AKT2: variants seen among roughly 807,000 people sequenced by gnomAD.
AKT2 encodes the protein RAC-beta serine/threonine-protein kinase.
AKT2 carries 16 observed loss-of-function variants against 58.6 expected under a neutral mutation model. That is an observed-to-expected ratio of 0.27 (90% CI 0.18 to 0.41). The LOEUF is 0.41. AKT2 is among the 10% of genes least tolerant of loss of function. The probability of loss-of-function intolerance (pLI) is 1.00; values close to 1 mark genes in which losing one functional copy is unlikely to be tolerated. For missense variants in AKT2, 438 were observed against 661.0 expected, an observed-to-expected ratio of 0.66 and a Z score of 3.70; for synonymous variants, 253 against 254.0, an observed-to-expected ratio of 1.00 and a Z score of 0.04.
At chr19:40,252,012 GT>G (rs529427366) in intron 4 of AKT2, among the ~76,000 whole-genome samples, 13 of 152,342 alleles carry the variant, frequency 8.5e-5, no homozygotes, top group African/African-American at 3.1e-4. Flanking sequence ...CTGCAGTGAA[GT>G]GGGGGACAGG....
Position 40,238,795 on chromosome 19 carries a change from G to T in AKT2, c.708+110C>A. On this transcript the variant is annotated intron_variant, in intron 8 of 13. Transcript: ENST00000392038. This position sits in a 1 kb window ranked among gnomAD's most constrained non-coding sequence, Gnocchi z 5.1. ...GCCTCAAGGGAGAGGGGCACTAGAT[G>T]ACACTGAAATTTCCCTCCACCCTTC... The T allele has an allele frequency of 1.7e-6, 2 of 1,184,268 alleles. No homozygotes were observed. Among genetic ancestry groups the T allele is most frequent in the South Asian group, 1.2e-5 (1 of 82,050 alleles). The allele number at this position is 1,184,268 out of a possible 1,614,324, so 73.4% of individuals were successfully genotyped here.
chr19:40,246,882 T>C (rs979885523), intron 4 of AKT2, among the ~76,000 whole-genome samples: 3 of 152,178 alleles, frequency 2.0e-5, no homozygotes, highest in African/African-American at 2.4e-5. Context: ...CACCAGGGCC[T>C]GGGCCTGGGG....
chr19:40,269,457 C>T (rs1976570997), intron 1 of AKT2: 1 of 152,152 alleles, frequency 6.6e-6, no homozygotes, highest in South Asian at 2.1e-4. Flanking sequence ...CTGACAAGGC[C>T]AACTGCTGGC....
intron 1 of AKT2, chr19:40,270,501 A>G (rs8111561): frequency 0.98 from 149,448 of 152,412 alleles, 73,281 homozygotes; most frequent in East Asian, 1. Context: ...CACTGACCTG[A>G]TTTTGATGCC....
chr19:40,246,395 A>G (rs1228134546), intron 4 of AKT2, among the ~76,000 whole-genome samples: 6 of 152,166 alleles, frequency 3.9e-5, no homozygotes, highest in Non-Finnish European at 8.8e-5. Context: ...AAGTGCTGGG[A>G]TTACAGGTGT....
chr19:40,235,262 CCTT>C lies in AKT2; in HGVS notation c.1261_1263del (p.Lys421del). 6.2e-7 allele frequency: 1 copy of C among 1,614,036 alleles called. No individual in the cohort carries two copies. The highest frequency in any genetic ancestry group is 8.5e-7 in the Non-Finnish European group (1 of 1,180,004). On this transcript the variant is annotated inframe_deletion and splice_region_variant, in exon 12 of 14. Coordinates refer to ENST00000392038, the MANE Select transcript of AKT2 (RefSeq NM_001626.6). The surrounding 1 kb of genome is among the most constrained non-coding windows in gnomAD (Gnocchi z 6.3). ...CTGCTGGGGCAAGCAGTGGGGCTCA[CCTT>C]CTTCTGGACCACGTCCTGCCAGTTG...
chr19:40,253,514 C>T (rs1368433347), intron 4 of AKT2, among the ~76,000 whole-genome samples: 1 of 152,194 alleles, frequency 6.6e-6, no homozygotes, highest in African/African-American at 2.4e-5. Context: ...GGGTCAAACT[C>T]ATCCACAGAG....
At chr19:40,271,458 A>G (rs1208790790) in intron 1 of AKT2, among the ~76,000 whole-genome samples, 1 of 151,164 alleles carries the variant, frequency 6.6e-6, no homozygotes, top group Non-Finnish European at 1.5e-5. Context: ...AAAAAACCCA[A>G]AGACAACAGG....
At chr19:40,272,508 T>C (rs2077233589) in intron 1 of AKT2, among the ~76,000 whole-genome samples, 1 of 152,186 alleles carries the variant, frequency 6.6e-6, no homozygotes, top group South Asian at 2.1e-4. Flanking sequence ...CACGACAGAA[T>C]GCAGGCGGGA....
intron 1 of AKT2, chr19:40,270,425 C>A (rs1397159311): frequency 6.6e-6 from 1 of 152,250 alleles, no homozygotes; most frequent in African/African-American, 2.4e-5. Flanking sequence ...GTGCCCAGAA[C>A]AGGCTCAAAA....
chr19:40,257,717 A>G (rs373481184), intron 2 of AKT2, among the ~76,000 whole-genome samples: 31 of 152,306 alleles, frequency 2.0e-4, no homozygotes, highest in South Asian at 8.3e-4. Context: ...AGCATTATTC[A>G]TAACAGCCAT....
Position 40,242,930 on chromosome 19 carries a change from C to T in AKT2, c.288-243G>A. 2.0e-6 allele frequency: 1 copy of T among 503,900 alleles called. No homozygotes were observed. Among genetic ancestry groups the T allele is most frequent in the Non-Finnish European group, 3.6e-6 (1 of 274,698 alleles). The allele number at this position is 503,900 out of a possible 1,614,324, so 31.2% of individuals were successfully genotyped here. The stretch of plus-strand genomic sequence containing the variant: ...TTGGGAGGCTGAGGCGGATGGATCA[C>T]AAGGTCAGGAGTTCGAGACCAGCCT... On this transcript the variant is annotated intron_variant, in intron 4 of 13. Coordinates refer to ENST00000392038, the MANE Select transcript of AKT2 (RefSeq NM_001626.6). The surrounding 1 kb of genome is among the most constrained non-coding windows in gnomAD (Gnocchi z 4.3).
intron 2 of AKT2, among the ~76,000 whole-genome samples, chr19:40,264,646 C>A (rs553261701): frequency 4.6e-5 from 7 of 152,266 alleles, no homozygotes; most frequent in African/African-American, 1.7e-4. Context: ...CTTGCCCAGC[C>A]AGCGTCTCAC....
Position 40,242,692 on chromosome 19 carries a change from G to A in AKT2, c.288-5C>T. The A allele has an allele frequency of 1.2e-6, 2 of 1,610,166 alleles. No homozygotes were observed. The highest frequency in any genetic ancestry group is 1.7e-6 in the Non-Finnish European group (2 of 1,179,978). ...ATGGCCCGCATCCACTCCTCCCTGT[G>A]CAGGGACACACGTGAGTCCCAGCAG... On this transcript the variant is annotated splice_region_variant and splice_polypyrimidine_tract_variant and intron_variant, in intron 4 of 13. Transcript: ENST00000392038. This position sits in a 1 kb window ranked among gnomAD's most constrained non-coding sequence, Gnocchi z 4.3.
At position 40,242,326 on chromosome 19, in the gene AKT2, C is replaced by T; in HGVS notation, c.441+208G>A. The T allele has an allele frequency of 3.3e-6, 3 of 896,636 alleles. No individual in the cohort carries two copies. Among genetic ancestry groups the T allele is most frequent in the Non-Finnish European group, 5.2e-6 (3 of 575,240 alleles). 55.5% of individuals were successfully genotyped at this position (896,636 alleles called of 1,614,324 possible). On this transcript the variant is annotated intron_variant, in intron 5 of 13. Transcript: ENST00000392038. The surrounding 1 kb of genome is among the most constrained non-coding windows in gnomAD (Gnocchi z 4.3). ...TTCACCAACTCCCAGGACGAACCTG[C>T]AGTGGGTCCACCCAAGGTTGCTCCC...
chr19:40,252,082 AC>A (rs1339375958), intron 4 of AKT2, among the ~76,000 whole-genome samples: 5 of 152,158 alleles, frequency 3.3e-5, no homozygotes, highest in Non-Finnish European at 1.5e-5. Context: ...GCGCTGCAGC[AC>A]CTAGCCAACA....
At chr19:40,263,709 G>A (rs867735022) in intron 2 of AKT2, among the ~76,000 whole-genome samples, 6 of 152,212 alleles carry the variant, frequency 3.9e-5, no homozygotes, top group African/African-American at 9.6e-5. Flanking sequence ...AGGGAGGGGC[G>A]TCCATCCCTC....
rs1370392340 is a variant in AKT2 at position 40,232,484 on chromosome 19, C to T, written c.*1388G>A. 2.6e-5 allele frequency: 6 copies of T among 232,396 alleles called. No homozygotes were observed. In the East Asian group the frequency reaches 3.7e-4, roughly 14 times the overall value. 14.4% of individuals were successfully genotyped at this position (232,396 alleles called of 1,614,324 possible). A position where few individuals can be genotyped will look rare whatever the true frequency, so the allele number is the denominator to read the frequency against. ...ACCAACCCCACCCCTCCCCACCCTG[C>T]CATGAACTGTGTAGTACAGGAGATG... On this transcript the variant is annotated 3_prime_UTR_variant, in exon 14 of 14. Coordinates refer to ENST00000392038, the MANE Select transcript of AKT2 (RefSeq NM_001626.6).
chr19:40,246,345 C>T (rs930581761), intron 4 of AKT2, among the ~76,000 whole-genome samples: 4 of 152,082 alleles, frequency 2.6e-5, no homozygotes, highest in Non-Finnish European at 5.9e-5. Flanking sequence ...AGGATGGTCT[C>T]GATCTCTTGA....
Sources: gnomAD v4.1 joint callset for allele counts (sites outside exome capture counted in the v4.1 genomes callset) on GRCh38, gnomAD v4.1.1 for gene constraint, Gnocchi (gnomAD v3.1) non-coding constraint, MANE v1.5 for transcripts, NCBI Gene and HGNC (gene_info 2026-07-23, HGNC 2026-07-21) for gene names.